The following ASB5 variants were observed in gnomAD, a reference collection of about 807,000 sequenced individuals.
ASB5 encodes ankyrin repeat and SOCS box protein 5.
Under a neutral mutation model 42.1 loss-of-function variants are expected in ASB5, and 45 were observed. The observed-to-expected ratio is 1.07, with a 90% CI of 0.84 to 1.37. The LOEUF is 1.37. Ranked by LOEUF, ASB5 falls within the 40% of genes most tolerant of loss-of-function variation. The probability of loss-of-function intolerance (pLI) is 0.00; values close to 1 mark genes in which losing one functional copy is unlikely to be tolerated. For missense variants in ASB5, 402 were observed against 399.8 expected, an observed-to-expected ratio of 1.01 and a Z score of -0.05; for synonymous variants, 147 against 150.6, an observed-to-expected ratio of 0.98 and a Z score of 0.18.
chr4:176,252,065 CAAAAAAAAAAAAAA>C, intron 1 of ASB5, among the ~76,000 whole-genome samples: 1 of 51,698 alleles, frequency 1.9e-5, no homozygotes, highest in East Asian at 6.5e-4. Context: ...GACCTTGTCT[CAAAAAAAAAAAAAA>C]AAAAGAAAAA....
chr4:176,255,014 C>T (rs1485471932), intron 1 of ASB5, among the ~76,000 whole-genome samples: 1 of 152,154 alleles, frequency 6.6e-6, no homozygotes, highest in African/African-American at 2.4e-5. Context: ...CCTGTAATCC[C>T]AGCTACTCAG....
intron 1 of ASB5, among the ~76,000 whole-genome samples, chr4:176,276,205 C>T (rs1019233731): frequency 2.0e-5 from 3 of 152,154 alleles, no homozygotes; most frequent in Admixed American, 6.5e-5. Context: ...ATGAAGCACT[C>T]ACTCGCCTGC....
At chr4:176,235,964 C>A (rs1276488955) in intron 1 of ASB5, among the ~76,000 whole-genome samples, 2 of 152,008 alleles carry the variant, frequency 1.3e-5, no homozygotes, top group Admixed American at 6.6e-5. Context: ...ATCCTCCTGC[C>A]TCAGCCTTCT....
rs1329309331 is a variant in ASB5 at position 176,219,601 on chromosome 4, T to TG, written c.670+1553_670+1554insC. On this transcript the variant is annotated intron_variant, in intron 5 of 6. Transcript: ENST00000296525. ...ATATATATATATATATATATATATA[T>TG]ATATATATATATATATAGGCTGGAG... Among the ~76,000 whole-genome samples, 718 of 83,416 alleles carry TG rather than the reference T, an allele frequency of 8.6e-3. 79 individuals are homozygous for TG. Among genetic ancestry groups the TG allele is most frequent in the African/African-American group, 0.023 (687 of 29,434 alleles). 54.7% of individuals were successfully genotyped at this position (83,416 alleles called of 152,430 possible).
rs548565046 is a variant in ASB5 at position 176,276,869 on chromosome 4, G to T, written c.-201+360C>A. Among the ~76,000 whole-genome samples the T allele has an allele frequency of 3.3e-5, 5 of 152,180 alleles. No homozygotes were observed. The South Asian group carries it at 8.3e-4, about 25-fold the overall frequency. Reference sequence around the variant, plus strand: ...ACAAAAAGTACACGGCCACCTTAAAGCCTCGACATTTGCTCTGATGAGCAT... The same window carrying T: ...ACAAAAAGTACACGGCCACCTTAAATCCTCGACATTTGCTCTGATGAGCAT... On this transcript the variant is annotated intron_variant, in intron 1 of 2. Coordinates refer to the ASB5 transcript ENST00000505299.
rs13109244 is a variant in ASB5, at chr4:176,214,998, A to G, written c.*602T>C. On this transcript the variant is annotated 3_prime_UTR_variant, in exon 7 of 7. Coordinates refer to ENST00000296525, the MANE Select transcript of ASB5 (RefSeq NM_080874.4). ...TCTGTAACAAGTCCATGTACTATGG[A>G]GAAGAGAAGTGACTTGTGAGTCCTT... The G allele has an allele frequency of 0.16, 23,453 of 149,004 alleles. 2,441 individuals are homozygous for G. The highest frequency in any genetic ancestry group is 0.28 in the Middle Eastern group (83 of 292). 9.2% of individuals were successfully genotyped at this position (149,004 alleles called of 1,614,324 possible).
chr4:176,250,064 CAAAAA>C (rs5864368), intron 1 of ASB5, among the ~76,000 whole-genome samples: 238 of 126,752 alleles, frequency 1.9e-3, no homozygotes, highest in Middle Eastern at 8.2e-3. Context: ...GACTCCATCT[CAAAAA>C]AAAAAAAAAA....
intron 1 of ASB5, among the ~76,000 whole-genome samples, chr4:176,238,941 C>T (rs1753753084): frequency 1.3e-5 from 2 of 152,150 alleles, no homozygotes; most frequent in Non-Finnish European, 2.9e-5. Context: ...TTAATGACAC[C>T]ATAGTTTCCT....
intron 1 of ASB5, chr4:176,241,833 A>AACCC: frequency 1.0e-5 from 2 of 201,000 alleles, no homozygotes; most frequent in Admixed American, 1.3e-4. Context: ...GGTGAGTGAT[A>AACCC]TCTCCTCTCC....
chr4:176,276,092 C>T (rs554500851), intron 1 of ASB5, among the ~76,000 whole-genome samples: 9 of 152,238 alleles, frequency 5.9e-5, no homozygotes, highest in South Asian at 2.1e-4. Context: ...TAATCTTGGA[C>T]GATCTGGTAA....
chr4:176,223,475 T>C (rs529412631), intron 2 of ASB5, among the ~76,000 whole-genome samples: 17 of 152,310 alleles, frequency 1.1e-4, no homozygotes, highest in Admixed American at 9.2e-4. Context: ...TTAAATACTA[T>C]TAGGATGTGA....
chr4:176,248,161 C>T (rs1753948166), intron 1 of ASB5, among the ~76,000 whole-genome samples: 1 of 152,178 alleles, frequency 6.6e-6, no homozygotes, highest in Non-Finnish European at 1.5e-5. Flanking sequence ...TTGAGTCACT[C>T]TGTCATGCAG....
rs151040450 is a variant in ASB5 at position 176,221,212 on chromosome 4, G to C, written c.613C>G (p.Leu205Val). 616 of 1,614,128 alleles carry C rather than the reference G, an allele frequency of 3.8e-4. 1 individual carries two copies. Among genetic ancestry groups the C allele is most frequent in the Non-Finnish European group, 4.8e-4 (567 of 1,179,992 alleles). Residue 205 changes from leucine (L) to valine (V), a missense_variant, in exon 5 of 7, where the codon CTC (leucine) becomes GTC (valine). By Grantham distance (32) the Leu-to-Val change is conservative. Transcript: ENST00000296525. ...TGCTGTGACATACAAGCTACATAGA[G>C]AGGAGTTCCCAAATGAGGAATTTCT... ...DQEIPHLGTPLYVACMSQQFH... is the reference protein window; with the variant it reads ...DQEIPHLGTPVYVACMSQQFH...
chr4:176,251,822 T>C (rs1439923728), intron 1 of ASB5, among the ~76,000 whole-genome samples: 1 of 151,170 alleles, frequency 6.6e-6, no homozygotes, highest in Non-Finnish European at 1.5e-5. Flanking sequence ...ATCCCAGCAT[T>C]AGGCGGAGGC....
chr4:176,221,996 T>C (rs1753227150), intron 3 of ASB5, among the ~76,000 whole-genome samples: 1 of 152,212 alleles, frequency 6.6e-6, no homozygotes, highest in Non-Finnish European at 1.5e-5. Flanking sequence ...TCTGAGACTT[T>C]ATTTAAGGAA....
chr4:176,222,253 C>T, intron 3 of ASB5, 60 bp downstream of exon 3: 1 of 1,434,124 alleles, frequency 7.0e-7, no homozygotes, highest in East Asian at 2.3e-5. Flanking sequence ...AAAATGAGAA[C>T]TCTGTTGGAT....
In ASB5 at chr4:176,216,885, CTCTG is replaced by C. The variant is rs1354506509; in HGVS notation, c.791_794del (p.Thr264SerfsTer6). On this transcript the variant is annotated frameshift_variant, in exon 6 of 7. Transcript: ENST00000296525. LOFTEE classifies it high-confidence loss of function. The stretch of plus-strand genomic sequence containing the variant: ...TAGCTACATCTATAGGTCGCAGAAG[CTCTG>C]TATTTTTGGCATTGATATCTGCTCC... 1 of 1,613,876 alleles carries C rather than the reference CTCTG, an allele frequency of 6.2e-7. No individual in the cohort carries two copies. Among genetic ancestry groups the C allele is most frequent in the African/African-American group, 1.3e-5 (1 of 74,914 alleles).
At chr4:176,220,481 C>A (rs190091685) in intron 5 of ASB5, among the ~76,000 whole-genome samples, 1 of 151,808 alleles carries the variant, frequency 6.6e-6, no homozygotes, top group Non-Finnish European at 1.5e-5. Flanking sequence ...GAGAGAGGAA[C>A]GACGCTAAAG....
At chr4:176,265,552 G>A (rs1754341390) in intron 1 of ASB5, among the ~76,000 whole-genome samples, 1 of 152,144 alleles carries the variant, frequency 6.6e-6, no homozygotes, top group African/African-American at 2.4e-5. Context: ...TTGTCCATTT[G>A]TAGCAAAAAC....
Sources: gnomAD v4.1 joint callset for allele counts (sites outside exome capture counted in the v4.1 genomes callset) on GRCh38, gnomAD v4.1.1 for gene constraint, MANE v1.5 for transcripts, NCBI Gene and HGNC (gene_info 2026-07-23, HGNC 2026-07-21) for gene names.